The following IGHMBP2 variants were observed in gnomAD, a reference collection of about 807,000 sequenced individuals.
The protein encoded by IGHMBP2 is DNA-binding protein SMUBP-2.
Under a neutral mutation model 96.0 loss-of-function variants are expected in IGHMBP2, and 81 were observed. That is an observed-to-expected ratio of 0.84 (90% CI 0.71 to 1.01). The LOEUF is 1.01. Ranked by LOEUF, IGHMBP2 falls within the 50% of genes least tolerant of loss-of-function variation. IGHMBP2 has a pLI of 0.00. For synonymous variants in IGHMBP2, 557 were observed against 548.9 expected (o/e 1.01, Z -0.21); for missense variants, 1,227 against 1,306.3 (o/e 0.94, Z 0.94).
chr11:68,935,238 G>T (rs920809166), intron 11 of IGHMBP2, 61 bp from the exon 12 acceptor site: 11 of 1,605,718 alleles, frequency 6.9e-6, no homozygotes, highest in African/African-American at 2.7e-5. Context: ...GAGCTGAAGG[G>T]CAGGGTCTTG....
chr11:68,939,008 C>T (rs1482706414), intron 14 of IGHMBP2, among the ~76,000 whole-genome samples: 1 of 152,090 alleles, frequency 6.6e-6, no homozygotes, highest in Non-Finnish European at 1.5e-5. Context: ...GGGAGCTGGG[C>T]TGGGAAGGAC....
intron 4 of IGHMBP2, among the ~76,000 whole-genome samples, chr11:68,909,608 G>A (rs943531783): frequency 6.6e-6 from 1 of 151,524 alleles, no homozygotes; most frequent in Non-Finnish European, 1.5e-5. Flanking sequence ...ATGCTTGATA[G>A]CAATTTTAGG....
intron 7 of IGHMBP2, among the ~76,000 whole-genome samples, chr11:68,925,611 G>A (rs1372891763): frequency 2.0e-5 from 3 of 152,144 alleles, no homozygotes; most frequent in Non-Finnish European, 4.4e-5. Flanking sequence ...TCTCTCCAAA[G>A]GACTCCCTTT....
At chr11:68,907,211 A>T (rs1432422980) in intron 2 of IGHMBP2, among the ~76,000 whole-genome samples, 2 of 152,130 alleles carry the variant, frequency 1.3e-5, no homozygotes, top group Admixed American at 1.3e-4. Flanking sequence ...CAGTGAGCTG[A>T]AATCACGCCA....
intron 4 of IGHMBP2, 31 bp from the exon 5 acceptor site, chr11:68,911,409 C>G: frequency 1.9e-6 from 3 of 1,610,938 alleles, no homozygotes; most frequent in East Asian, 2.2e-5. Context: ...CCCCAGAGCA[C>G]CTGAGCCTCA....
intron 1 of IGHMBP2, among the ~76,000 whole-genome samples, chr11:68,905,092 G>A (rs987448149): frequency 2.6e-5 from 4 of 152,190 alleles, no homozygotes; most frequent in African/African-American, 4.8e-5. Flanking sequence ...CACCGTGCCC[G>A]GCCGCAGTGT....
At chr11:68,935,068 T>C (rs1400966342) in intron 11 of IGHMBP2, among the ~76,000 whole-genome samples, 1 of 152,232 alleles carries the variant, frequency 6.6e-6, no homozygotes, top group Non-Finnish European at 1.5e-5. Flanking sequence ...GGCTGGCGGC[T>C]GTCATAAGCC....
intron 13 of IGHMBP2, chr11:68,937,668 C>G (rs1374456849): frequency 8.7e-6 from 2 of 229,666 alleles, no homozygotes; most frequent in African/African-American, 4.5e-5. Context: ...CATACGCTGG[C>G]AGAGCGTGTA....
chr11:68,918,880 T>C (rs1188945705), intron 7 of IGHMBP2, among the ~76,000 whole-genome samples: 8 of 152,222 alleles, frequency 5.3e-5, no homozygotes, highest in Non-Finnish European at 1.5e-5. Context: ...TTTCATGTAT[T>C]TCCACATTGA....
chr11:68,905,959 G>C (rs1858174118), intron 1 of IGHMBP2, 110 bp from the exon 2 acceptor site: 1 of 1,089,900 alleles, frequency 9.2e-7, no homozygotes, highest in African/African-American at 1.5e-5. Flanking sequence ...GACATATTTA[G>C]TGCCTGTGAG....
In IGHMBP2 at chr11:68,933,855, C is replaced by G. The variant is rs370367228; in HGVS notation, c.1479C>G (p.Thr493=). Residue 493 remains threonine (T), a synonymous_variant, in exon 10 of 15, where the codon ACC becomes ACG. Coordinates refer to ENST00000255078, the MANE Select transcript of IGHMBP2 (RefSeq NM_002180.3). ...GTGTGCCCCTGCTCTTGGTGGACAC[C>G]GCCGGCTGCGGGCTGTTTGAGCTGG... The part of the protein sequence containing the change: ...ETGVPLLLVD[T]AGCGLFELEE... The G allele has an allele frequency of 1.4e-5, 22 of 1,607,942 alleles. No individual in the cohort carries two copies. Among genetic ancestry groups the G allele is most frequent in the Middle Eastern group, 1.6e-4 (1 of 6,078 alleles).
intron 7 of IGHMBP2, among the ~76,000 whole-genome samples, chr11:68,924,786 T>C (rs1326230201): frequency 3.3e-5 from 5 of 152,168 alleles, no homozygotes; most frequent in Admixed American, 6.5e-5. Flanking sequence ...CCACCCACAT[T>C]TGAGGGGAAG....
intron 14 of IGHMBP2, 36 bp from the exon 15 acceptor site, chr11:68,939,498 C>T (rs1333208621): frequency 1.5e-5 from 24 of 1,609,198 alleles, no homozygotes; most frequent in Non-Finnish European, 2.0e-5. Context: ...CTCCTTGCCC[C>T]TGTGAGCCCA....
chr11:68,930,639 G>A lies in IGHMBP2; in HGVS notation c.1235+1282G>A, dbSNP rs114174782. 2.6e-3 allele frequency: 1,071 copies of A among 414,852 alleles called. 9 individuals are homozygous for A. The highest frequency in any genetic ancestry group is 0.022 in the African/African-American group (1,000 of 46,200). The allele number at this position is 414,852 out of a possible 1,614,324, so 25.7% of individuals were successfully genotyped here. A position where few individuals can be genotyped will look rare whatever the true frequency, so the allele number is the denominator to read the frequency against. The stretch of plus-strand genomic sequence containing the variant: ...TTTCTGGCTGGAAACCTCTGCGGCC[G>A]CAGCACCTTTGCCTCAGTTCTTGTC... On this transcript the variant is annotated intron_variant, in intron 8 of 14. Coordinates refer to ENST00000255078, the MANE Select transcript of IGHMBP2 (RefSeq NM_002180.3).
chr11:68,915,575 C>T (rs111267135), intron 6 of IGHMBP2, among the ~76,000 whole-genome samples: 2,989 of 152,044 alleles, frequency 0.02, 71 homozygotes, highest in African/African-American at 0.056. Flanking sequence ...CTCCGCCTCC[C>T]GGGGTCAAGT....
intron 11 of IGHMBP2, 33 bp from the exon 12 acceptor site, chr11:68,935,266 G>A (rs1429311308): frequency 1.2e-6 from 2 of 1,612,880 alleles, no homozygotes; most frequent in Middle Eastern, 1.7e-4. Flanking sequence ...GGCATGGGTG[G>A]GTGAGGAAAC....
At position 68,903,915 on chromosome 11, in the gene IGHMBP2, G is replaced by C. The variant is rs112779789; in HGVS notation, c.-38G>C. 6.2e-6 allele frequency: 10 copies of C among 1,601,268 alleles called. 1 individual carries two copies. The African/African-American group carries it at 8.0e-5, about 13-fold the overall frequency. On this transcript the variant is annotated 5_prime_UTR_variant, in exon 1 of 15. Transcript: ENST00000255078. The stretch of plus-strand genomic sequence containing the variant: ...TGTAACACCGGCCCGGCGCAGAAGC[G>C]GGACGTCGGCTTCTAGGGGCCCAGG...
At chr11:68,939,185 G>A (rs749222067) in intron 14 of IGHMBP2, among the ~76,000 whole-genome samples, 2 of 152,150 alleles carry the variant, frequency 1.3e-5, no homozygotes, top group Non-Finnish European at 2.9e-5. Context: ...TGAAGGCAGT[G>A]GGGTACCCTC....
chr11:68,934,759 G>T (rs572179910), intron 11 of IGHMBP2, among the ~76,000 whole-genome samples: 1 of 152,066 alleles, frequency 6.6e-6, no homozygotes, highest in African/African-American at 2.4e-5. Flanking sequence ...ACCTTGCCCC[G>T]CCCTGCCCGG....
Sources: allele counts gnomAD v4.1 joint callset (sites outside exome capture counted in the v4.1 genomes callset), GRCh38; gene constraint gnomAD v4.1.1; transcripts MANE v1.5; gene names NCBI Gene and HGNC (gene_info 2026-07-23, HGNC 2026-07-21).